RAD51B: variants seen among roughly 807,000 people sequenced by gnomAD.
RAD51B encodes RAD51 paralog B, also known as DNA repair protein RAD51 homolog 2.
A neutral mutation model predicts 42.2 loss-of-function variants in RAD51B; 38 were observed. The ratio of observed to expected loss-of-function variants is 0.90; its 90% confidence interval spans 0.70 to 1.18. RAD51B has a LOEUF of 1.18. Ranked by LOEUF, RAD51B falls within the 50% of genes most tolerant of loss-of-function variation. The probability of loss-of-function intolerance (pLI) is 0.00; values close to 1 mark genes in which losing one functional copy is unlikely to be tolerated. For missense variants in RAD51B, 373 were observed against 400.7 expected (o/e 0.93, Z 0.59); for synonymous variants, 154 against 145.2 (o/e 1.06, Z -0.43).
At chr14:67,999,105 G>A (rs949029683) in intron 7 of RAD51B, among the ~76,000 whole-genome samples, 1 of 151,908 alleles carries the variant, frequency 6.6e-6, no homozygotes, top group Non-Finnish European at 1.5e-5. Flanking sequence ...AGACATCAGG[G>A]CGACCTTGTT....
chr14:68,222,435 C>T (rs2079948245), intron 7 of RAD51B, among the ~76,000 whole-genome samples: 1 of 152,082 alleles, frequency 6.6e-6, no homozygotes, highest in Non-Finnish European at 1.5e-5. Context: ...AATGTAAAAC[C>T]AAATATTGAA....
chr14:68,655,787 G>A (rs1036425662), intron 11 of RAD51B, among the ~76,000 whole-genome samples: 4 of 152,230 alleles, frequency 2.6e-5, no homozygotes, highest in South Asian at 2.1e-4. Context: ...GAGGTGGGAC[G>A]TGAGGAACAC....
intron 8 of RAD51B, among the ~76,000 whole-genome samples, chr14:68,388,090 A>ATT (rs1566849476): frequency 7.3e-6 from 1 of 136,654 alleles, no homozygotes; most frequent in African/African-American, 3.0e-5. Context: ...ATATATATAT[A>ATT]TATATTTTTT....
rs545579165 is a variant in RAD51B at position 68,499,775 on chromosome 14, C to T, written c.1036+31525C>T. ...CAAGCCAAGGAACACCTGGAGCCAC[C>T]GGAATCTGGAAGAGGCGAGGAAGAG... On this transcript the variant is annotated intron_variant, in intron 10 of 10. Coordinates refer to the RAD51B transcript ENST00000487270. 4.6e-5 allele frequency among the ~76,000 whole-genome samples: 7 copies of T among 152,192 alleles called. No individual in the cohort carries two copies. The South Asian group carries it at 1.2e-3, about 27-fold the overall frequency.
intron 9 of RAD51B, among the ~76,000 whole-genome samples, chr14:68,455,071 G>C (rs2085651292): frequency 6.7e-6 from 1 of 149,818 alleles, no homozygotes; most frequent in Non-Finnish European, 1.5e-5. Flanking sequence ...ACACACACAG[G>C]CTGAAAGATT....
rs143189595 is a variant in RAD51B at position 68,646,448 on chromosome 14, A to G, written c.1037-4333A>G. Among the ~76,000 whole-genome samples, 12 of 152,334 alleles carry G rather than the reference A, an allele frequency of 7.9e-5. No individual in the cohort carries two copies. In the South Asian group the frequency reaches 1.9e-3, roughly 24 times the overall value. On this transcript the variant is annotated intron_variant, in intron 10 of 11. Coordinates refer to the RAD51B transcript ENST00000488612. ...ATCTTTTTGTGTTTCTTGTCAAGCC[A>G]TAAGAACTCTTAAAGGATATTAGCT... is the stretch of plus-strand genomic sequence containing the variant.
intron 7 of RAD51B, among the ~76,000 whole-genome samples, chr14:68,068,362 C>T (rs1407583723): frequency 6.6e-6 from 1 of 152,320 alleles, no homozygotes; most frequent in East Asian, 1.9e-4. Context: ...AGAACTCTAT[C>T]ATACAAAATG....
chr14:68,417,337 C>T (rs1194888829), intron 9 of RAD51B, among the ~76,000 whole-genome samples: 1 of 152,160 alleles, frequency 6.6e-6, no homozygotes, highest in Non-Finnish European at 1.5e-5. Flanking sequence ...TAGATGAAAA[C>T]TCTTTTTAAG....
chr14:68,449,232 T>C (rs2085496290), intron 9 of RAD51B, among the ~76,000 whole-genome samples: 1 of 152,200 alleles, frequency 6.6e-6, no homozygotes, highest in Admixed American at 6.5e-5. Flanking sequence ...ACAACAAAAC[T>C]TTGTTTCAAA....
intron 8 of RAD51B, among the ~76,000 whole-genome samples, chr14:68,372,621 A>G (rs1482307561): frequency 6.6e-6 from 1 of 152,198 alleles, no homozygotes; most frequent in East Asian, 1.9e-4. Flanking sequence ...AGAGAAACAG[A>G]AAAGAGGGTC....
chr14:68,559,437 G>A (rs747065693), intron 10 of RAD51B, among the ~76,000 whole-genome samples: 52 of 150,306 alleles, frequency 3.5e-4, no homozygotes, highest in Non-Finnish European at 6.8e-4. Context: ...CTGGAGTGCA[G>A]TGGCGTGATC....
chr14:68,141,081 C>G (rs894334256), intron 7 of RAD51B, among the ~76,000 whole-genome samples: 3 of 152,102 alleles, frequency 2.0e-5, no homozygotes, highest in African/African-American at 7.2e-5. Flanking sequence ...ATAGGGTCAC[C>G]CTTGTTACTG....
intron 7 of RAD51B, among the ~76,000 whole-genome samples, chr14:68,118,265 A>G (rs1265456246): frequency 1.3e-5 from 2 of 152,162 alleles, no homozygotes; most frequent in African/African-American, 4.8e-5. Flanking sequence ...ACACCAATAA[A>G]ATACTATTTG....
intron 10 of RAD51B, among the ~76,000 whole-genome samples, chr14:68,601,734 G>A (rs531053652): frequency 2.3e-4 from 35 of 152,152 alleles, no homozygotes; most frequent in South Asian, 6.2e-4. Context: ...CCCTCCACAT[G>A]CAGGCCCACT....
intron 7 of RAD51B, among the ~76,000 whole-genome samples, chr14:68,168,058 A>G (rs2078789386): frequency 6.6e-6 from 1 of 152,104 alleles, no homozygotes; most frequent in South Asian, 2.1e-4. Context: ...AGAGTTTGGA[A>G]GTGTCTCCCA....
chr14:68,623,597 A>G (rs1162406901), intron 10 of RAD51B, among the ~76,000 whole-genome samples: 2 of 152,204 alleles, frequency 1.3e-5, no homozygotes, highest in Non-Finnish European at 2.9e-5. Context: ...TCTAACTTGT[A>G]CATAGGTGCC....
At chr14:67,945,052 G>A (rs1006480066) in intron 7 of RAD51B, among the ~76,000 whole-genome samples, 3 of 152,134 alleles carry the variant, frequency 2.0e-5, no homozygotes, top group African/African-American at 7.2e-5. Context: ...TGTAGCCAAG[G>A]GAAAGGCAAG....
chr14:67,906,839 CA>C (rs1408594992), intron 7 of RAD51B, among the ~76,000 whole-genome samples: 4 of 151,450 alleles, frequency 2.6e-5, no homozygotes, highest in Non-Finnish European at 5.9e-5. Flanking sequence ...GACGAAATTT[CA>C]GTCTTGTTGC....
At chr14:68,405,156 A>G (rs2084229967) in intron 8 of RAD51B, among the ~76,000 whole-genome samples, 1 of 152,268 alleles carries the variant, frequency 6.6e-6, no homozygotes, top group Non-Finnish European at 1.5e-5. Context: ...TGTAAGGATC[A>G]AAAGAGATGT....
Sources: allele counts gnomAD v4.1 joint callset (sites outside exome capture counted in the v4.1 genomes callset), GRCh38; gene constraint gnomAD v4.1.1; transcripts MANE v1.5; gene names NCBI Gene and HGNC (gene_info 2026-07-23, HGNC 2026-07-21).